The following ZNF385D variants were observed in gnomAD, a reference collection of about 807,000 sequenced individuals.
ZNF385D encodes zinc finger protein 385D.
Under a neutral mutation model 35.8 loss-of-function variants are expected in ZNF385D, and 15 were observed. The observed-to-expected ratio is 0.42, with a 90% CI of 0.28 to 0.64. The LOEUF is 0.64. Among genes scored for constraint, ZNF385D ranks in the 30% least tolerant of loss-of-function variants. ZNF385D has a pLI of 0.23. For missense variants in ZNF385D, 474 were observed against 494.6 expected, an observed-to-expected ratio of 0.96 and a Z score of 0.39; for synonymous variants, 212 against 186.8, an observed-to-expected ratio of 1.13 and a Z score of -1.10.
At chr3:22,170,387 T>A (rs1049692259) in intron 2 of ZNF385D, among the ~76,000 whole-genome samples, 11 of 152,318 alleles carry the variant, frequency 7.2e-5, no homozygotes, top group Admixed American at 7.2e-4. Flanking sequence ...AGTTTGCCAA[T>A]AAAATTTTAA....
intron 2 of ZNF385D, among the ~76,000 whole-genome samples, chr3:22,279,505 T>C (rs1475043509): frequency 7.2e-6 from 1 of 138,648 alleles, no homozygotes; most frequent in East Asian, 2.0e-4. Flanking sequence ...CATATGTACA[T>C]ATATATGTAT....
In ZNF385D at chr3:22,236,008, CA is replaced by C. The variant is rs572165048; in HGVS notation, c.107-66974del. ...AGGGGCTCACAAAATGCACAAGATA[CA>C]GCATAAAGAATCATTGCAACATTGA... On this transcript the variant is annotated intron_variant, in intron 2 of 5. Coordinates refer to the ZNF385D transcript ENST00000494108. Among the ~76,000 whole-genome samples, 368 of 152,106 alleles carry C rather than the reference CA, an allele frequency of 2.4e-3. 2 individuals carry two copies. The highest frequency in any genetic ancestry group is 7.3e-3 in the African/African-American group (305 of 41,522).
intron 3 of ZNF385D, among the ~76,000 whole-genome samples, chr3:21,885,685 TA>T (rs1222553240): frequency 6.6e-6 from 1 of 151,446 alleles, no homozygotes; most frequent in Non-Finnish European, 1.5e-5. Context: ...ATAATAAACA[TA>T]TATATATATT....
chr3:21,866,203 A>G (rs1697348901), intron 3 of ZNF385D, among the ~76,000 whole-genome samples: 1 of 152,106 alleles, frequency 6.6e-6, no homozygotes, highest in Non-Finnish European at 1.5e-5. Flanking sequence ...CTATAATCCC[A>G]GCACTTTGAG....
chr3:21,924,273 A>G (rs1044619243), intron 3 of ZNF385D, among the ~76,000 whole-genome samples: 2 of 152,216 alleles, frequency 1.3e-5, no homozygotes, highest in African/African-American at 4.8e-5. Context: ...AAGAAGGCAA[A>G]TTCACAAGGT....
At chr3:21,802,670 T>G (rs747808421) in intron 3 of ZNF385D, among the ~76,000 whole-genome samples, 4 of 152,194 alleles carry the variant, frequency 2.6e-5, no homozygotes, top group Non-Finnish European at 5.9e-5. Context: ...AGAAATACAC[T>G]CAATAGAACA....
At chr3:21,456,731 A>G (rs1053298081) in intron 4 of ZNF385D, among the ~76,000 whole-genome samples, 1 of 134,548 alleles carries the variant, frequency 7.4e-6, no homozygotes, top group Non-Finnish European at 1.5e-5. Flanking sequence ...AACTTAAAGT[A>G]TAATAAAAAA....
chr3:21,614,193 AG>A (rs138583777), intron 2 of ZNF385D, among the ~76,000 whole-genome samples: 171 of 152,280 alleles, frequency 1.1e-3, no homozygotes, highest in South Asian at 0.011. Flanking sequence ...AGGTATAAGC[AG>A]GTCTGACTCC....
chr3:22,359,081 A>C (rs1696291415), intron 2 of ZNF385D, among the ~76,000 whole-genome samples: 1 of 130,396 alleles, frequency 7.7e-6, no homozygotes, highest in African/African-American at 3.2e-5. Context: ...AACCAAAAAA[A>C]AAAACAAAAA....
Position 21,750,996 on chromosome 3 carries a change from T to C in ZNF385D, c.-80A>G. 6.2e-7 allele frequency: 1 copy of C among 1,611,590 alleles called. No homozygotes were observed. The highest frequency in any genetic ancestry group is 1.1e-5 in the South Asian group (1 of 90,834). On this transcript the variant is annotated 5_prime_UTR_variant, in exon 1 of 8. Transcript: ENST00000281523. ...GGCTGGCACGTAGAGCAGAGCCCTTTCATGCTACATTCGGTGGAAATGTCC... is the reference window on the plus strand; with the variant it reads ...GGCTGGCACGTAGAGCAGAGCCCTTCCATGCTACATTCGGTGGAAATGTCC...
intron 3 of ZNF385D, among the ~76,000 whole-genome samples, chr3:22,152,595 C>T (rs148594326): frequency 3.3e-5 from 5 of 152,120 alleles, no homozygotes; most frequent in South Asian, 2.1e-4. Context: ...CTAAGTGCGT[C>T]GTCACTCTAA....
At chr3:21,751,236 A>AAC, upstream of ZNF385D, 6 of 1,106,818 alleles carry the variant, frequency 5.4e-6, no homozygotes, top group Non-Finnish European at 6.7e-6. Context: ...AGACCCCTCC[A>AAC]CCCCACCCCA....
intron 4 of ZNF385D, 77 bp downstream of exon 4, chr3:21,510,784 C>A (rs1294899494): frequency 2.9e-5 from 46 of 1,565,062 alleles, no homozygotes; most frequent in Non-Finnish European, 3.8e-5. Flanking sequence ...CATAAGTAAA[C>A]AGACATGGGG....
intron 3 of ZNF385D, among the ~76,000 whole-genome samples, chr3:21,871,193 T>G (rs1697672711): frequency 1.3e-5 from 2 of 152,104 alleles, no homozygotes; most frequent in African/African-American, 4.8e-5. Flanking sequence ...CCAGGTCCTG[T>G]GCACACAGTG....
intron 2 of ZNF385D, among the ~76,000 whole-genome samples, chr3:22,179,193 G>A (rs781562046): frequency 2.1e-4 from 32 of 152,226 alleles, no homozygotes; most frequent in South Asian, 6.2e-4. Flanking sequence ...CCATTTTCAC[G>A]ATATTGATTC....
intron 3 of ZNF385D, among the ~76,000 whole-genome samples, chr3:22,107,313 G>A (rs1001108409): frequency 5.3e-5 from 8 of 151,954 alleles, no homozygotes; most frequent in East Asian, 3.9e-4. Flanking sequence ...ACGAGCCACC[G>A]CACCAAGCCT....
chr3:21,914,224 T>C (rs1466282473), intron 3 of ZNF385D, among the ~76,000 whole-genome samples: 1 of 152,216 alleles, frequency 6.6e-6, no homozygotes, highest in Non-Finnish European at 1.5e-5. Context: ...CATAATGTGG[T>C]CACTGTGTTT....
intron 3 of ZNF385D, among the ~76,000 whole-genome samples, chr3:21,940,767 T>G (rs1701478889): frequency 6.6e-6 from 1 of 151,832 alleles, no homozygotes; most frequent in South Asian, 2.1e-4. Flanking sequence ...GTCAGGGAGG[T>G]TCCAAAATAT....
chr3:21,992,713 A>G (rs1293791549), intron 3 of ZNF385D, among the ~76,000 whole-genome samples: 1 of 152,148 alleles, frequency 6.6e-6, no homozygotes, highest in Non-Finnish European at 1.5e-5. Flanking sequence ...TTTTCTTCAC[A>G]AACATGTTTT....
Sources: allele counts gnomAD v4.1 joint callset (sites outside exome capture counted in the v4.1 genomes callset), GRCh38; gene constraint gnomAD v4.1.1; transcripts MANE v1.5; gene names NCBI Gene and HGNC (gene_info 2026-07-23, HGNC 2026-07-21).